Variants in CFAP299 observed in about 807,000 individuals in gnomAD.
CFAP299 encodes the protein cilia- and flagella-associated protein 299.
CFAP299 carries 21 observed loss-of-function variants against 27.0 expected under a neutral mutation model. The observed-to-expected ratio is 0.78, with a 90% CI of 0.55 to 1.12. CFAP299 has a LOEUF of 1.12. Ranked by LOEUF, CFAP299 falls within the 50% of genes most tolerant of loss-of-function variation. The pLI is 0.00. For missense variants in CFAP299, 310 were observed against 276.6 expected (o/e 1.12, Z -0.86); for synonymous variants, 104 against 98.1 (o/e 1.06, Z -0.36).
At chr4:80,843,542 G>A (rs151204344) in intron 3 of CFAP299, among the ~76,000 whole-genome samples, 16 of 151,996 alleles carry the variant, frequency 1.1e-4, no homozygotes, top group Non-Finnish European at 1.5e-5. Flanking sequence ...ACAAACATAC[G>A]TGTGCATGTG....
At chr4:80,428,540 T>G (rs1727636081) in intron 2 of CFAP299, among the ~76,000 whole-genome samples, 1 of 152,108 alleles carries the variant, frequency 6.6e-6, no homozygotes, top group Admixed American at 6.5e-5. Flanking sequence ...TTTTCTTTCT[T>G]TTTTTTGAGA....
rs72661717 is a variant in CFAP299, at chr4:80,686,673, A to G, written c.333+103490A>G. Among the ~76,000 whole-genome samples, 739 of 152,268 alleles carry G rather than the reference A, an allele frequency of 4.9e-3. 5 individuals are homozygous for G. Among genetic ancestry groups the G allele is most frequent in the Non-Finnish European group, 6.3e-3 (429 of 68,008 alleles). On this transcript the variant is annotated intron_variant, in intron 3 of 5. Coordinates refer to ENST00000358105, the MANE Select transcript of CFAP299 (RefSeq NM_152770.3). Reference sequence around the variant, plus strand: ...GAGCCAGAAGATTTTGGTAGAAGATAATTATTAATCTTTCTTTGGTGCTTA... The same window carrying G: ...GAGCCAGAAGATTTTGGTAGAAGATGATTATTAATCTTTCTTTGGTGCTTA...
At chr4:80,417,378 C>T (rs1177397000) in intron 2 of CFAP299, among the ~76,000 whole-genome samples, 4 of 152,072 alleles carry the variant, frequency 2.6e-5, no homozygotes, top group Non-Finnish European at 5.9e-5. Flanking sequence ...CTTAGAATGC[C>T]TAAGCTCCTG....
chr4:80,593,171 C>G (rs978491433), intron 3 of CFAP299, among the ~76,000 whole-genome samples: 1 of 152,082 alleles, frequency 6.6e-6, no homozygotes, highest in African/African-American at 2.4e-5. Flanking sequence ...GTGTCTGACT[C>G]CGTTGTTGAT....
chr4:80,684,114 A>C (rs1352614817), intron 3 of CFAP299, among the ~76,000 whole-genome samples: 1 of 152,172 alleles, frequency 6.6e-6, no homozygotes, highest in Admixed American at 6.5e-5. Context: ...TCCATATCTA[A>C]ATTTTTGCCA....
rs544943404 is a variant in CFAP299, at chr4:80,806,651, C to A, written c.334-63342C>A. Reference sequence around the variant, plus strand: ...TTCCTATTATTGCAAAATGTCAACACAAACAACAGAAAGTGGAACAATTAG... The same window carrying A: ...TTCCTATTATTGCAAAATGTCAACAAAAACAACAGAAAGTGGAACAATTAG... On this transcript the variant is annotated intron_variant, in intron 3 of 5. Transcript: ENST00000358105. Among the ~76,000 whole-genome samples, 14 of 152,230 alleles carry A rather than the reference C, an allele frequency of 9.2e-5. No individual in the cohort carries two copies. In the South Asian group the frequency reaches 2.9e-3, roughly 32 times the overall value.
chr4:80,686,922 A>T, intron 3 of CFAP299, among the ~76,000 whole-genome samples: 1 of 152,180 alleles, frequency 6.6e-6, no homozygotes, highest in Admixed American at 6.5e-5. Context: ...ACATTCCTAT[A>T]GCTTTCAAAT....
At chr4:80,564,241 G>A (rs1187167611) in intron 2 of CFAP299, among the ~76,000 whole-genome samples, 1 of 151,848 alleles carries the variant, frequency 6.6e-6, no homozygotes, top group Non-Finnish European at 1.5e-5. Context: ...GGAAACTATA[G>A]ACAAATATCT....
chr4:80,766,819 A>G (rs1725890785), intron 3 of CFAP299, among the ~76,000 whole-genome samples: 2 of 152,226 alleles, frequency 1.3e-5, no homozygotes, highest in African/African-American at 4.8e-5. Context: ...GCAAATTGCT[A>G]TGAAGCCATT....
At chr4:80,387,251 G>C in intron 2 of CFAP299, 2 of 1,594,916 alleles carry the variant, frequency 1.3e-6, no homozygotes, top group South Asian at 2.2e-5. Flanking sequence ...GAAGTGGCCG[G>C]GGTAGCTCAG....
intron 2 of CFAP299, among the ~76,000 whole-genome samples, chr4:80,566,598 G>A (rs1735300845): frequency 6.6e-6 from 1 of 152,046 alleles, no homozygotes; most frequent in Non-Finnish European, 1.5e-5. Flanking sequence ...TCACTTGCTC[G>A]TGACCAGTTT....
intron 2 of CFAP299, among the ~76,000 whole-genome samples, chr4:80,400,546 A>G (rs1345533902): frequency 6.6e-6 from 1 of 151,724 alleles, no homozygotes; most frequent in Non-Finnish European, 1.5e-5. Context: ...CTTCTTCCTC[A>G]TTTTCTCTTG....
intron 2 of CFAP299, among the ~76,000 whole-genome samples, chr4:80,390,287 C>T (rs1725254699): frequency 6.6e-6 from 1 of 151,840 alleles, no homozygotes; most frequent in Middle Eastern, 3.4e-3. Context: ...TTACCCTACC[C>T]CCCAACCCCC....
intron 2 of CFAP299, among the ~76,000 whole-genome samples, chr4:80,451,175 T>C (rs1222776175): frequency 2.6e-5 from 4 of 152,180 alleles, no homozygotes; most frequent in Non-Finnish European, 5.9e-5. Context: ...TTTTGAGGCC[T>C]CTCTCACTGG....
intron 4 of CFAP299, chr4:80,872,747 TGTTC>T: frequency 4.7e-6 from 1 of 213,018 alleles, no homozygotes; most frequent in Non-Finnish European, 8.1e-6. Context: ...TTTTATTGGC[TGTTC>T]AGATTTTCTT....
intron 3 of CFAP299, among the ~76,000 whole-genome samples, chr4:80,856,551 T>C (rs1205992599): frequency 6.6e-6 from 1 of 151,954 alleles, no homozygotes; most frequent in Non-Finnish European, 1.5e-5. Context: ...AACGTTTAAG[T>C]CTTTAATCCA....
chr4:80,776,716 A>G (rs1348581325), intron 3 of CFAP299, among the ~76,000 whole-genome samples: 2 of 152,128 alleles, frequency 1.3e-5, no homozygotes, highest in African/African-American at 4.8e-5. Context: ...ACAAACCTGC[A>G]TGTTCTGCAC....
At chr4:80,644,165 T>G (rs1739864979) in intron 3 of CFAP299, among the ~76,000 whole-genome samples, 1 of 152,194 alleles carries the variant, frequency 6.6e-6, no homozygotes, top group Admixed American at 6.5e-5. Context: ...CAGAGTAATG[T>G]GCTTATTGTG....
At chr4:80,684,445 T>G (rs1364880506) in intron 3 of CFAP299, among the ~76,000 whole-genome samples, 2 of 152,084 alleles carry the variant, frequency 1.3e-5, no homozygotes, top group Non-Finnish European at 2.9e-5. Flanking sequence ...TTGTATTTTT[T>G]TAGTAGAGAC....
Sources: gnomAD v4.1 joint callset for allele counts (sites outside exome capture counted in the v4.1 genomes callset) on GRCh38, gnomAD v4.1.1 for gene constraint, MANE v1.5 for transcripts, NCBI Gene and HGNC (gene_info 2026-07-23, HGNC 2026-07-21) for gene names.